The following DPCD variants were observed in gnomAD, a reference collection of about 807,000 sequenced individuals.
DPCD encodes the protein protein DPCD.
A neutral mutation model predicts 26.4 loss-of-function variants in DPCD; 20 were observed. The observed-to-expected ratio is 0.76, with a 90% CI of 0.53 to 1.10. DPCD has a LOEUF of 1.10. Ranked by LOEUF, DPCD falls within the 50% of genes least tolerant of loss-of-function variation. The pLI is 0.00. For synonymous variants in DPCD, 97 were observed against 94.2 expected (o/e 1.03, Z -0.17); for missense variants, 202 against 253.9 (o/e 0.80, Z 1.39).
intron 1 of DPCD, among the ~76,000 whole-genome samples, chr10:101,591,960 A>G (rs2063612325): frequency 1.3e-5 from 2 of 152,206 alleles, no homozygotes; most frequent in African/African-American, 4.8e-5. Context: ...GGCTGAGATT[A>G]CAGGCGTGAG....
rs1165650764 is a variant in DPCD, at chr10:101,600,018, T to C, written c.146-720T>C. On this transcript the variant is annotated intron_variant, in intron 2 of 5. Transcript: ENST00000370151. The surrounding 1 kb of genome is among the most constrained non-coding windows in gnomAD (Gnocchi z 4.7). Reference sequence around the variant, plus strand: ...TTATAATTTTCATAATATATGTGCCTTAAAATCTTATGCAAGCATCTGGGT... The same window carrying C: ...TTATAATTTTCATAATATATGTGCCCTAAAATCTTATGCAAGCATCTGGGT... 2.0e-5 allele frequency among the ~76,000 whole-genome samples: 3 copies of C among 152,218 alleles called. No homozygotes were observed. Among genetic ancestry groups the C allele is most frequent in the Admixed American group, 6.5e-5 (1 of 15,290 alleles).
intron 4 of DPCD, among the ~76,000 whole-genome samples, chr10:101,607,502 C>T (rs1342464370): frequency 6.6e-6 from 1 of 152,178 alleles, no homozygotes; most frequent in East Asian, 1.9e-4. Flanking sequence ...GTCCCAGTAC[C>T]TTGGTGGGGA....
At chr10:101,607,547 C>T (rs1348001361) in intron 4 of DPCD, among the ~76,000 whole-genome samples, 1 of 152,116 alleles carries the variant, frequency 6.6e-6, no homozygotes, top group African/African-American at 2.4e-5. Flanking sequence ...CCCCGAGAGC[C>T]TCTGTTGAAC....
intron 1 of DPCD, among the ~76,000 whole-genome samples, chr10:101,590,315 G>A (rs891882724): frequency 2.0e-5 from 3 of 152,032 alleles, no homozygotes; most frequent in South Asian, 2.1e-4. Context: ...TTTTCTCAAG[G>A]AGCAATGAGG....
At chr10:101,605,810 A>G (rs980884847) in intron 4 of DPCD, among the ~76,000 whole-genome samples, 3 of 152,198 alleles carry the variant, frequency 2.0e-5, no homozygotes. Flanking sequence ...ATGTGGAGAC[A>G]TGGAGGTGTC....
intron 1 of DPCD, among the ~76,000 whole-genome samples, chr10:101,593,262 A>C (rs185172184): frequency 1.3e-5 from 2 of 152,202 alleles, no homozygotes; most frequent in Admixed American, 6.5e-5. Flanking sequence ...GAGCCATCCA[A>C]ATGATTAAGG....
intron 2 of DPCD, among the ~76,000 whole-genome samples, chr10:101,598,353 A>T (rs1009431941): frequency 3.3e-5 from 5 of 152,196 alleles, no homozygotes; most frequent in African/African-American, 1.2e-4. Context: ...AGCTACTTAA[A>T]AAAAAACAGA....
chr10:101,596,363 T>G (rs1274518418), intron 2 of DPCD, among the ~76,000 whole-genome samples: 1 of 152,200 alleles, frequency 6.6e-6, no homozygotes, highest in Admixed American at 6.5e-5. Context: ...TCGTCCTCGT[T>G]AAAGCCCTAT....
intron 5 of DPCD, 50 bp downstream of exon 5, chr10:101,608,987 C>G: frequency 6.9e-7 from 1 of 1,441,480 alleles, no homozygotes; most frequent in Non-Finnish European, 9.7e-7. Context: ...GAGTCTTCCT[C>G]TTTCCCTGCC....
chr10:101,594,237 A>G (rs995618665), intron 1 of DPCD, among the ~76,000 whole-genome samples: 1 of 152,202 alleles, frequency 6.6e-6, no homozygotes, highest in Non-Finnish European at 1.5e-5. Flanking sequence ...GTATCATGGT[A>G]TGTAGTAAAT....
intron 4 of DPCD, chr10:101,605,103 T>C (rs2063724450): frequency 6.4e-7 from 1 of 1,550,410 alleles, no homozygotes; most frequent in South Asian, 1.2e-5. Flanking sequence ...CCCAGAGCCT[T>C]GATGTTTAAG....
chr10:101,599,599 G>A (rs971630765), intron 2 of DPCD, among the ~76,000 whole-genome samples: 10 of 152,142 alleles, frequency 6.6e-5, no homozygotes, highest in South Asian at 4.1e-4. Flanking sequence ...TACTTATACC[G>A]GTGAGGGCGT....
In DPCD at chr10:101,601,340, A is replaced by G. The variant is rs749635569; in HGVS notation, c.404+4A>G. 1 of 1,613,446 alleles carries G rather than the reference A, an allele frequency of 6.2e-7. No individual in the cohort carries two copies. Among genetic ancestry groups the G allele is most frequent in the East Asian group, 2.2e-5 (1 of 44,750 alleles). On this transcript the variant is annotated splice_donor_region_variant and intron_variant, in intron 4 of 5. Coordinates refer to ENST00000370151, the MANE Select transcript of DPCD (RefSeq NM_015448.3). The stretch of plus-strand genomic sequence containing the variant: ...TTGTCAGAACAACCAACAAGAAGTG[A>G]GTAGCGTGGAAGGCACCCTGTGTGC...
At chr10:101,598,263 G>A (rs1368878550) in intron 2 of DPCD, among the ~76,000 whole-genome samples, 1 of 152,030 alleles carries the variant, frequency 6.6e-6, no homozygotes, top group South Asian at 2.1e-4. Flanking sequence ...CCAGCCCTAG[G>A]TCGTGAGGTA....
chr10:101,589,541 G>T (rs1549069), intron 1 of DPCD, among the ~76,000 whole-genome samples: 1 of 152,102 alleles, frequency 6.6e-6, no homozygotes, highest in East Asian at 1.9e-4. Context: ...TCAGGAGTTC[G>T]AGACCAGCTT....
At chr10:101,589,495 C>T (rs939427275) in intron 1 of DPCD, among the ~76,000 whole-genome samples, 3 of 152,232 alleles carry the variant, frequency 2.0e-5, no homozygotes, top group Admixed American at 6.5e-5. Flanking sequence ...GTAATTCCAG[C>T]ACTCTGGGAG....
chr10:101,594,830 G>T, intron 2 of DPCD, 92 bp downstream of exon 2: 2 of 1,238,378 alleles, frequency 1.6e-6, no homozygotes, highest in Non-Finnish European at 2.4e-6. Context: ...TGAGGTAGGA[G>T]CCCAGATCAA....
At chr10:101,588,888 T>C (rs2063536327) in intron 1 of DPCD, among the ~76,000 whole-genome samples, 1 of 152,248 alleles carries the variant, frequency 6.6e-6, no homozygotes, top group South Asian at 2.1e-4. Context: ...ACTACCATTG[T>C]TATCTCTGAG....
chr10:101,608,110 T>G (rs1297041520), intron 4 of DPCD, among the ~76,000 whole-genome samples: 1 of 152,174 alleles, frequency 6.6e-6, no homozygotes, highest in African/African-American at 2.4e-5. Context: ...TATTTTTTTT[T>G]TTAATTAAAA....
Sources: allele counts gnomAD v4.1 joint callset (sites outside exome capture counted in the v4.1 genomes callset), GRCh38; gene constraint gnomAD v4.1.1; non-coding constraint Gnocchi (gnomAD v3.1); transcripts MANE v1.5; gene names NCBI Gene and HGNC (gene_info 2026-07-23, HGNC 2026-07-21).